The following SEC24B variants were observed in gnomAD, a reference collection of about 807,000 sequenced individuals.
The protein encoded by SEC24B is protein transport protein Sec24B.
A neutral mutation model predicts 142.8 loss-of-function variants in SEC24B; 45 were observed. The ratio of observed to expected loss-of-function variants is 0.32; its 90% CI spans 0.25 to 0.40. SEC24B has a LOEUF of 0.40. SEC24B is among the 10% of genes least tolerant of loss of function. The pLI is 1.00. For synonymous variants in SEC24B, 574 were observed against 568.2 expected (o/e 1.01, Z -0.15); for missense variants, 1,409 against 1,526.8 (o/e 0.92, Z 1.29).
At chr4:109,434,818 C>T (rs751520291) in intron 1 of SEC24B, among the ~76,000 whole-genome samples, 6 of 152,170 alleles carry the variant, frequency 3.9e-5, no homozygotes, top group African/African-American at 9.7e-5. Flanking sequence ...TTCATACAGG[C>T]AGCAGCCAAA....
At chr4:109,531,638 C>T (rs1724942582) in intron 20 of SEC24B, 116 bp downstream of exon 20, 1 of 712,992 alleles carries the variant, frequency 1.4e-6, no homozygotes, top group Non-Finnish European at 2.3e-6. Context: ...CTTTTTCCCC[C>T]TTGTGGTAGT....
intron 7 of SEC24B, among the ~76,000 whole-genome samples, chr4:109,507,471 A>G (rs925951609): frequency 1.5e-4 from 22 of 151,612 alleles, no homozygotes; most frequent in Admixed American, 5.9e-4. Flanking sequence ...ATGGGGTTTC[A>G]CCATGTTGGG....
chr4:109,460,235 C>A (rs181190160), intron 1 of SEC24B, among the ~76,000 whole-genome samples: 2 of 152,052 alleles, frequency 1.3e-5, no homozygotes, highest in African/African-American at 4.8e-5. Flanking sequence ...TTACTTAGTA[C>A]AAATTGAAAA....
intron 3 of SEC24B, among the ~76,000 whole-genome samples, chr4:109,480,469 A>G (rs1262729628): frequency 2.6e-5 from 4 of 150,976 alleles, no homozygotes; most frequent in African/African-American, 9.8e-5. Context: ...AAGTGTTTTC[A>G]TTTTCTTTTT....
In SEC24B at chr4:109,481,793, C is replaced by G. The variant is rs1461875826; in HGVS notation, c.1165+12C>G. 44 of 1,588,272 alleles carry G rather than the reference C, an allele frequency of 2.8e-5. No homozygotes were observed. Among genetic ancestry groups the G allele is most frequent in the Non-Finnish European group, 3.7e-5 (43 of 1,157,644 alleles). On this transcript the variant is annotated intron_variant, in intron 4 of 23. Transcript: ENST00000265175. ...GGATGAGGAAGCAGGTCTGCTTTAG[C>G]TTTACACCAGTTCTTGATCTTTTCC...
intron 1 of SEC24B, among the ~76,000 whole-genome samples, chr4:109,452,177 C>T (rs1234969915): frequency 6.6e-6 from 1 of 152,116 alleles, no homozygotes; most frequent in Non-Finnish European, 1.5e-5. Context: ...GTAAACGGAA[C>T]CATATAATAT....
At chr4:109,515,295 G>T (rs571503497) in intron 10 of SEC24B, among the ~76,000 whole-genome samples, 1 of 152,020 alleles carries the variant, frequency 6.6e-6, no homozygotes, top group Non-Finnish European at 1.5e-5. Context: ...TAGAGACGGG[G>T]TTTCACCATG....
intron 1 of SEC24B, among the ~76,000 whole-genome samples, chr4:109,441,662 C>T (rs1017884546): frequency 6.6e-6 from 1 of 152,142 alleles, no homozygotes. Context: ...ATTCTCCTAC[C>T]TTGGCCTCCC....
intron 22 of SEC24B, among the ~76,000 whole-genome samples, chr4:109,534,842 T>C (rs1725337041): frequency 6.6e-6 from 1 of 152,160 alleles, no homozygotes; most frequent in Non-Finnish European, 1.5e-5. Context: ...ACTTGGCTAA[T>C]TAAAAAAATT....
intron 1 of SEC24B, among the ~76,000 whole-genome samples, chr4:109,435,697 C>T (rs191066365): frequency 6.6e-6 from 1 of 152,328 alleles, no homozygotes; most frequent in East Asian, 1.9e-4. Flanking sequence ...CTTGAGTTCT[C>T]TTGTTTATAA....
At chr4:109,538,387 A>T in intron 22 of SEC24B, 106 bp from the exon 23 acceptor site, 1 of 695,570 alleles carries the variant, frequency 1.4e-6, no homozygotes, top group East Asian at 2.6e-5. Context: ...GAGGCTAAGA[A>T]ATAGAGTGCT....
chr4:109,526,196 C>T, intron 16 of SEC24B, 30 bp from the exon 17 acceptor site: 2 of 1,604,810 alleles, frequency 1.2e-6, no homozygotes, highest in East Asian at 2.2e-5. Flanking sequence ...CTATTGTTAA[C>T]TTGATTTTTT....
chr4:109,449,665 G>T (rs1378385648), intron 1 of SEC24B, among the ~76,000 whole-genome samples: 2 of 152,032 alleles, frequency 1.3e-5, no homozygotes, highest in Admixed American at 6.6e-5. Flanking sequence ...CACGTAGAGA[G>T]ATCTCTCTCT....
chr4:109,508,216 G>A (rs2126040619), intron 7 of SEC24B, among the ~76,000 whole-genome samples: 1 of 152,264 alleles, frequency 6.6e-6, no homozygotes, highest in Non-Finnish European at 1.5e-5. Flanking sequence ...AGGTTGATAA[G>A]TTTGTAAATT....
chr4:109,528,005 G>A (rs970587364), intron 18 of SEC24B, among the ~76,000 whole-genome samples: 2 of 152,072 alleles, frequency 1.3e-5, no homozygotes, highest in Non-Finnish European at 2.9e-5. Flanking sequence ...TCATACAATA[G>A]AATATAATGC....
intron 2 of SEC24B, among the ~76,000 whole-genome samples, chr4:109,467,424 G>C (rs1035134372): frequency 6.6e-6 from 1 of 151,558 alleles, no homozygotes. Flanking sequence ...GTGTTTAAAA[G>C]GTGTCATTTC....
intron 1 of SEC24B, among the ~76,000 whole-genome samples, chr4:109,457,349 A>C (rs950122759): frequency 2.0e-5 from 3 of 152,212 alleles, no homozygotes; most frequent in Non-Finnish European, 4.4e-5. Flanking sequence ...AGAATGCCTG[A>C]GACTGTCTAG....
At chr4:109,476,027 C>T (rs895910036) in intron 3 of SEC24B, among the ~76,000 whole-genome samples, 4 of 150,646 alleles carry the variant, frequency 2.7e-5, no homozygotes, top group Non-Finnish European at 5.9e-5. Context: ...CACTCTGTCA[C>T]CCAGGCTGGA....
At chr4:109,480,087 T>C (rs891594685) in intron 3 of SEC24B, among the ~76,000 whole-genome samples, 2 of 152,226 alleles carry the variant, frequency 1.3e-5, no homozygotes, top group East Asian at 3.8e-4. Context: ...ATTTTACCGA[T>C]ATTAAAAGAT....
Sources: allele counts gnomAD v4.1 joint callset (sites outside exome capture counted in the v4.1 genomes callset), GRCh38; gene constraint gnomAD v4.1.1; transcripts MANE v1.5; gene names NCBI Gene and HGNC (gene_info 2026-07-23, HGNC 2026-07-21).